Variants in VCF1 observed in about 807,000 individuals in gnomAD.
VCF1 encodes VCP nuclear cofactor family member 1.
the VCF1 span, among the ~76,000 whole-genome samples, chr17:73,217,192 A>C: frequency 2.0e-5 from 3 of 151,948 alleles, no homozygotes; most frequent in East Asian, 5.8e-4. Flanking sequence ...CCAAAACAAA[A>C]CAAAACAAAA....
chr17:73,214,505 G>C, the VCF1 span, among the ~76,000 whole-genome samples: 1 of 152,164 alleles, frequency 6.6e-6, no homozygotes, highest in South Asian at 2.1e-4. Flanking sequence ...AAAGTCATCT[G>C]CTTTATGGGA....
At chr17:73,211,484 C>G in the VCF1 span, among the ~76,000 whole-genome samples, 1 of 150,276 alleles carries the variant, frequency 6.7e-6, no homozygotes, top group Non-Finnish European at 1.5e-5. Flanking sequence ...CAGGAGATCG[C>G]TTGAACCTGG....
At chr17:73,232,273 C>T in the VCF1 span, 1 of 1,605,126 alleles carries the variant, frequency 6.2e-7, no homozygotes, top group Non-Finnish European at 8.5e-7. Context: ...CCCGTACCAC[C>T]ACTACTTCCG....
chr17:73,212,678 C>A, the VCF1 span: 3 of 1,594,078 alleles, frequency 1.9e-6, no homozygotes, highest in Non-Finnish European at 2.6e-6. Flanking sequence ...AGAAACCCAC[C>A]GCGCAGAACG....
the VCF1 span, among the ~76,000 whole-genome samples, chr17:73,211,761 G>C: frequency 6.6e-6 from 1 of 151,976 alleles, no homozygotes; most frequent in Non-Finnish European, 1.5e-5. Flanking sequence ...TAGGGAGGCT[G>C]AGGCAAGAGA....
At chr17:73,209,483 C>G in the VCF1 span, 1 of 1,540,186 alleles carries the variant, frequency 6.5e-7, no homozygotes, top group Non-Finnish European at 8.8e-7. Flanking sequence ...AATATCAAAT[C>G]TGCACAGCGC....
At chr17:73,232,303 C>A in the VCF1 span, 6 of 1,578,900 alleles carry the variant, frequency 3.8e-6, no homozygotes, top group East Asian at 4.6e-5. Context: ...CCGCGCCCCC[C>A]CATGTCGCTG....
chr17:73,220,894 A>ATTTTTT, the VCF1 span, among the ~76,000 whole-genome samples: 29 of 96,632 alleles, frequency 3.0e-4, no homozygotes, highest in Middle Eastern at 6.6e-3. Context: ...TTTAATTTAG[A>ATTTTTT]TTTTTTTTTT....
chr17:73,229,507 C>A, the VCF1 span: 1 of 985,256 alleles, frequency 1.0e-6, no homozygotes, highest in Non-Finnish European at 1.2e-6. Flanking sequence ...GATTCCATCA[C>A]GTTGCATTAT....
At chr17:73,231,909 G>A in the VCF1 span, among the ~76,000 whole-genome samples, 1 of 152,242 alleles carries the variant, frequency 6.6e-6, no homozygotes, top group East Asian at 1.9e-4. Flanking sequence ...GCTACCCACA[G>A]GAACCAAGCA....
chr17:73,227,315 T>C, the VCF1 span: 1 of 1,431,052 alleles, frequency 7.0e-7, no homozygotes, highest in Non-Finnish European at 9.4e-7. Flanking sequence ...CAACCGATGT[T>C]TTGGACACTT....
the VCF1 span, among the ~76,000 whole-genome samples, chr17:73,230,406 T>C: frequency 3.8e-3 from 128 of 34,068 alleles, no homozygotes; most frequent in African/African-American, 0.012. Context: ...CTGAAAACCC[T>C]TTTTTTTTTT....
the VCF1 span, chr17:73,212,647 A>T: frequency 6.4e-7 from 1 of 1,565,096 alleles, no homozygotes; most frequent in Non-Finnish European, 8.7e-7. Flanking sequence ...ATATTTAACA[A>T]ACAGGTCACT....
the VCF1 span, chr17:73,209,857 AGT>A: frequency 6.7e-7 from 1 of 1,502,024 alleles, no homozygotes; most frequent in East Asian, 2.5e-5. Flanking sequence ...CTCTATTAAG[AGT>A]ACCTTTCCAG....
the VCF1 span, chr17:73,232,256 A>G: frequency 1.5e-5 from 24 of 1,611,016 alleles, no homozygotes; most frequent in South Asian, 2.5e-4. Flanking sequence ...AGTACCCCTC[A>G]GTCGGACCCG....
At chr17:73,209,646 C>T in the VCF1 span, 4 of 1,556,134 alleles carry the variant, frequency 2.6e-6, no homozygotes, top group Non-Finnish European at 3.5e-6. Flanking sequence ...CGGGCTGAGG[C>T]GTGTTAGGGC....
the VCF1 span, chr17:73,227,730 C>T: frequency 1.2e-6 from 1 of 862,890 alleles, no homozygotes. Flanking sequence ...ACCTCTTGGT[C>T]ACATTCACCT....
At chr17:73,225,882 AAT>A in the VCF1 span, among the ~76,000 whole-genome samples, 164 of 74,690 alleles carry the variant, frequency 2.2e-3, 1 homozygote, top group African/African-American at 8.7e-3. Context: ...ATATATATAT[AAT>A]ATATATATAT....
chr17:73,218,558 G>C, the VCF1 span, among the ~76,000 whole-genome samples: 2 of 152,184 alleles, frequency 1.3e-5, no homozygotes, highest in Non-Finnish European at 2.9e-5. Context: ...TATATCTTCA[G>C]TACTTAATAA....
Sources: allele counts gnomAD v4.1 joint callset (sites outside exome capture counted in the v4.1 genomes callset), GRCh38; gene constraint gnomAD v4.1.1; transcripts MANE v1.5; gene names NCBI Gene and HGNC (gene_info 2026-07-23, HGNC 2026-07-21).